The following ELMO1 variants were observed in gnomAD, a reference collection of about 807,000 sequenced individuals.
The protein encoded by ELMO1 is engulfment and cell motility protein 1.
Under a neutral mutation model 98.9 loss-of-function variants are expected in ELMO1, and 26 were observed. That is an observed-to-expected ratio of 0.26 (90% CI 0.19 to 0.36). The LOEUF (loss-of-function observed/expected upper bound fraction) is 0.36, where lower values mean the gene tolerates loss of function less well. Ranked by LOEUF, ELMO1 falls within the 10% of genes least tolerant of loss-of-function variation. ELMO1 has a pLI of 1.00. For missense variants in ELMO1, 627 were observed against 935.2 expected (o/e 0.67, Z 4.30); for synonymous variants, 346 against 346.0 (o/e 1.00, Z 0.00).
intron 8 of ELMO1, among the ~76,000 whole-genome samples, chr7:37,229,094 G>A (rs73108982): frequency 1.2e-3 from 181 of 152,192 alleles, no homozygotes; most frequent in Middle Eastern, 3.4e-3. Context: ...AAATTTTTAA[G>A]AGGCAAAAAT....
At chr7:37,428,695 T>C (rs927417409) in intron 1 of ELMO1, among the ~76,000 whole-genome samples, 2 of 152,284 alleles carry the variant, frequency 1.3e-5, no homozygotes, top group African/African-American at 4.8e-5. Flanking sequence ...CTGAAATTAA[T>C]TGCTGCTCAG....
chr7:36,973,847 C>CTGCCGT (rs1562869313), intron 16 of ELMO1, among the ~76,000 whole-genome samples: 2 of 152,258 alleles, frequency 1.3e-5, no homozygotes, highest in Admixed American at 6.5e-5. Context: ...GCAGCCGGCC[C>CTGCCGT]TGCCGTTGCC....
In ELMO1 at chr7:36,984,701, CCT is replaced by C. The variant is rs546303760; in HGVS notation, c.1437+28596_1437+28597del. 7.9e-5 allele frequency among the ~76,000 whole-genome samples: 12 copies of C among 152,294 alleles called. No individual in the cohort carries two copies. In the East Asian group the frequency reaches 2.3e-3, roughly 29 times the overall value. Reference sequence around the variant, plus strand: ...TAAACCAGATGCTTCATTCTCTTTTCCTCTCTCCATTATTTGAAGTCAAGTGG... The same window carrying C: ...TAAACCAGATGCTTCATTCTCTTTTCCTCTCCATTATTTGAAGTCAAGTGG... On this transcript the variant is annotated intron_variant, in intron 16 of 21. Coordinates refer to ENST00000310758, the MANE Select transcript of ELMO1 (RefSeq NM_014800.11).
rs371070555 is a variant in ELMO1 at position 36,943,617 on chromosome 7, T to C, written c.1438-48600A>G. Among the ~76,000 whole-genome samples the C allele has an allele frequency of 6.6e-4, 100 of 152,324 alleles. 3 individuals are homozygous for C. In the South Asian group the frequency reaches 0.02, roughly 31 times the overall value. On this transcript the variant is annotated intron_variant, in intron 16 of 21. Transcript: ENST00000310758. ...TGCTACGTAAGAAAGTTTGAATGAATGAGTAACTGGAATATTTAATGCTTC... is the reference window on the plus strand; with the variant it reads ...TGCTACGTAAGAAAGTTTGAATGAACGAGTAACTGGAATATTTAATGCTTC...
chr7:36,884,060 G>A (rs567924211), intron 18 of ELMO1, among the ~76,000 whole-genome samples: 7 of 152,122 alleles, frequency 4.6e-5, no homozygotes, highest in Non-Finnish European at 7.4e-5. Flanking sequence ...AGTGGCTCAC[G>A]CCTGTAATCC....
intron 7 of ELMO1, among the ~76,000 whole-genome samples, chr7:37,235,967 C>T (rs1381803133): frequency 6.6e-6 from 1 of 152,148 alleles, no homozygotes; most frequent in East Asian, 1.9e-4. Flanking sequence ...ATACTCTTCT[C>T]TGCATTCCCA....
intron 1 of ELMO1, among the ~76,000 whole-genome samples, chr7:37,444,492 G>A (rs1044727636): frequency 1.3e-5 from 2 of 152,030 alleles, no homozygotes; most frequent in Non-Finnish European, 2.9e-5. Context: ...AGGGCCTAGC[G>A]CACTGGCAAG....
At chr7:37,395,663 G>A (rs1349589610) in intron 1 of ELMO1, among the ~76,000 whole-genome samples, 1 of 151,584 alleles carries the variant, frequency 6.6e-6, no homozygotes, top group Non-Finnish European at 1.5e-5. Flanking sequence ...CCAGGGTTTG[G>A]TTAGAGTCTA....
intron 13 of ELMO1, among the ~76,000 whole-genome samples, chr7:37,149,805 T>C (rs1340300399): frequency 6.6e-6 from 1 of 152,200 alleles, no homozygotes; most frequent in Non-Finnish European, 1.5e-5. Flanking sequence ...TAATCAAAAG[T>C]TCAAAATCTT....
At position 37,086,330 on chromosome 7, in the gene ELMO1, C is replaced by CTCTG. The variant is rs1000692933; in HGVS notation, c.1300+10288_1300+10289insCAGA. ...GAAACATTTTTGTAACAATACATGA[C>CTCTG]TGTGTGTGTGTGTGTGTGTGTGTGT... On this transcript the variant is annotated intron_variant, in intron 15 of 21. Transcript: ENST00000310758. Among the ~76,000 whole-genome samples, 34 of 143,182 alleles carry CTCTG rather than the reference C, an allele frequency of 2.4e-4. 1 individual carries two copies. The highest frequency in any genetic ancestry group is 8.5e-4 in the African/African-American group (33 of 38,932). 93.9% of individuals were successfully genotyped at this position (143,182 alleles called of 152,430 possible).
chr7:36,950,758 C>T (rs1305617952), intron 16 of ELMO1, among the ~76,000 whole-genome samples: 1 of 152,212 alleles, frequency 6.6e-6, no homozygotes, highest in Non-Finnish European at 1.5e-5. Flanking sequence ...CCTTCATCTC[C>T]ATGAGGGCTC....
chr7:37,123,021 G>A (rs368124916), intron 14 of ELMO1, among the ~76,000 whole-genome samples: 2 of 152,008 alleles, frequency 1.3e-5, no homozygotes, highest in East Asian at 1.9e-4. Context: ...TGAACAACCT[G>A]CTCCTGAATG....
At chr7:37,115,319 C>T (rs1416554868) in intron 14 of ELMO1, among the ~76,000 whole-genome samples, 1 of 152,080 alleles carries the variant, frequency 6.6e-6, no homozygotes, top group Non-Finnish European at 1.5e-5. Context: ...ATCTATATAG[C>T]TCTCATGAAC....
In ELMO1 at chr7:36,990,573, C is replaced by T. The variant is rs571992125; in HGVS notation, c.1437+22726G>A. Among the ~76,000 whole-genome samples the T allele has an allele frequency of 1.1e-4, 16 of 152,184 alleles. No homozygotes were observed. The South Asian group carries it at 1.7e-3, about 16-fold the overall frequency. On this transcript the variant is annotated intron_variant, in intron 16 of 21. Transcript: ENST00000310758. ...GGTCATAAGAAATCCCTTTCTATTT[C>T]GCTCACACGTTCAACCTGTACTCTT... is the stretch of plus-strand genomic sequence containing the variant.
rs145087596 is a variant in ELMO1, at chr7:36,990,515, G to C, written c.1437+22784C>G. Among the ~76,000 whole-genome samples the C allele has an allele frequency of 6.6e-5, 10 of 152,248 alleles. No homozygotes were observed. In the East Asian group the frequency reaches 1.9e-3, roughly 29 times the overall value. ...CAAATACTCAGAAAATTCAGGGGGT[G>C]GGGTGGGAATCACTGCTGGGCATCT... is the stretch of plus-strand genomic sequence containing the variant. On this transcript the variant is annotated intron_variant, in intron 16 of 21. Transcript: ENST00000310758.
chr7:37,194,294 C>G (rs1791831991), intron 13 of ELMO1, among the ~76,000 whole-genome samples: 1 of 152,140 alleles, frequency 6.6e-6, no homozygotes, highest in Admixed American at 6.6e-5. Flanking sequence ...CTAAATGGAA[C>G]AAACCAGCCC....
chr7:37,228,246 C>T (rs771694441), intron 8 of ELMO1, among the ~76,000 whole-genome samples: 1 of 152,204 alleles, frequency 6.6e-6, no homozygotes, highest in Non-Finnish European at 1.5e-5. Flanking sequence ...CTCCTTATAA[C>T]TGAATGTATA....
intron 6 of ELMO1, among the ~76,000 whole-genome samples, chr7:37,247,741 G>C (rs1407438326): frequency 6.6e-6 from 1 of 152,192 alleles, no homozygotes; most frequent in Non-Finnish European, 1.5e-5. Flanking sequence ...CGGGCCACCT[G>C]GGTGCAAGGT....
rs1360602277 is a variant in ELMO1, at chr7:37,309,210, A to G, written c.192+5640T>C. On this transcript the variant is annotated intron_variant, in intron 4 of 21. Transcript: ENST00000310758. ...GTGGAAGGCGAAAGGCACATCTTAC[A>G]TGGCAGCAGACAAGAGAGGGAATGA... Among the ~76,000 whole-genome samples, 6 of 152,174 alleles carry G rather than the reference A, an allele frequency of 3.9e-5. No homozygotes were observed. The East Asian group carries it at 1.2e-3, about 29-fold the overall frequency.
Sources: allele counts gnomAD v4.1 joint callset (sites outside exome capture counted in the v4.1 genomes callset), GRCh38; gene constraint gnomAD v4.1.1; transcripts MANE v1.5; gene names NCBI Gene and HGNC (gene_info 2026-07-23, HGNC 2026-07-21).